The following PMFBP1 variants were observed in gnomAD, a reference collection of about 807,000 sequenced individuals.
PMFBP1 encodes the protein polyamine modulated factor 1 binding protein 1.
Under a neutral mutation model 137.8 loss-of-function variants are expected in PMFBP1, and 131 were observed. That is an observed-to-expected ratio of 0.95 (90% confidence interval 0.82 to 1.10). The LOEUF is 1.10. PMFBP1 is among the 50% of genes least tolerant of loss of function. The pLI is 0.00. For missense variants in PMFBP1, 1,199 were observed against 1,175.4 expected, an observed-to-expected ratio of 1.02 and a Z score of -0.29; for synonymous variants, 490 against 450.4, an observed-to-expected ratio of 1.09 and a Z score of -1.11.
At chr16:72,225,714 TAATAATAATA>T in the PMFBP1 span, among the ~76,000 whole-genome samples, 27 of 143,290 alleles carry the variant, frequency 1.9e-4, no homozygotes, top group East Asian at 8.0e-4. Context: ...CTGTTTATAA[TAATAATAATA>T]ATAATAATAA....
the PMFBP1 span, among the ~76,000 whole-genome samples, chr16:72,247,832 G>C: frequency 6.6e-6 from 1 of 151,996 alleles, no homozygotes; most frequent in African/African-American, 2.4e-5. Context: ...TTTAATTTTA[G>C]AATTTAAAGG....
rs114758774 is a variant in PMFBP1 at position 72,124,314 on chromosome 16, G to T, written c.2589+453C>A. On this transcript the variant is annotated intron_variant, in intron 17 of 20. Coordinates refer to ENST00000237353, the MANE Select transcript of PMFBP1 (RefSeq NM_031293.3). ...GCATGAGCCACTGTGCCCGGCCTAA[G>T]ATGCCTTCTTTGTAATTCGAGCAAA... 6.2e-3 allele frequency among the ~76,000 whole-genome samples: 943 copies of T among 152,352 alleles called. 10 individuals are homozygous for T. Among genetic ancestry groups the T allele is most frequent in the African/African-American group, 0.021 (874 of 41,580 alleles).
In PMFBP1 at chr16:72,136,499, C is replaced by T. The variant is rs1272628196; in HGVS notation, c.1152G>A (p.Glu384=). The change falls in exon 9 of 21, where the codon GAG becomes GAA. Residue 384 remains glutamate, a synonymous_variant. Coordinates refer to ENST00000237353, the MANE Select transcript of PMFBP1 (RefSeq NM_031293.3). The stretch of plus-strand genomic sequence containing the variant: ...GGGTCTCGGTGAACTCCAGCTGCAG[C>T]TCCTGCAGCCGGCACTGCAGGATGG... ...DITILQCRLQ[E]LQLEFTETQK... is the part of the protein sequence containing the mutation. 3.1e-6 allele frequency: 5 copies of T among 1,613,938 alleles called. No homozygotes were observed. Among genetic ancestry groups the T allele is most frequent in the Non-Finnish European group, 4.2e-6 (5 of 1,179,932 alleles).
the PMFBP1 span, among the ~76,000 whole-genome samples, chr16:72,201,119 G>A: frequency 6.6e-6 from 1 of 152,152 alleles, no homozygotes; most frequent in African/African-American, 2.4e-5. Context: ...GATGCATAAT[G>A]TGTGACCACA....
At chr16:72,192,701 A>C in the PMFBP1 span, among the ~76,000 whole-genome samples, 1 of 152,130 alleles carries the variant, frequency 6.6e-6, no homozygotes, top group Admixed American at 6.5e-5. Flanking sequence ...CAGGAGATCA[A>C]GACCATCCTG....
At chr16:72,148,499 C>A (rs2042849837) in intron 5 of PMFBP1, among the ~76,000 whole-genome samples, 1 of 151,906 alleles carries the variant, frequency 6.6e-6, no homozygotes, top group African/African-American at 2.4e-5. Context: ...TGCACATGTA[C>A]CCCAGAACTT....
chr16:72,244,597 G>A, the PMFBP1 span, among the ~76,000 whole-genome samples: 1 of 152,164 alleles, frequency 6.6e-6, no homozygotes, highest in Non-Finnish European at 1.5e-5. Context: ...GCAATGGGTG[G>A]TTAAGACAAA....
chr16:72,124,958 A>G (rs759438443), intron 16 of PMFBP1, 24 bp from the exon 17 acceptor site: 2 of 1,608,492 alleles, frequency 1.2e-6, no homozygotes, highest in African/African-American at 2.7e-5. Flanking sequence ...CAAAGTGAGG[A>G]GGGGGACTCC....
At chr16:72,218,459 C>G in the PMFBP1 span, among the ~76,000 whole-genome samples, 1 of 152,090 alleles carries the variant, frequency 6.6e-6, no homozygotes. Context: ...TCCTGAGTAG[C>G]TGGGCTTACA....
At position 72,140,083 on chromosome 16, in the gene PMFBP1, T is replaced by A. The variant is rs554641002; in HGVS notation, c.807+329A>T. Among the ~76,000 whole-genome samples, 137 of 152,348 alleles carry A rather than the reference T, an allele frequency of 9.0e-4. 1 individual carries two copies. Among genetic ancestry groups the A allele is most frequent in the Middle Eastern group, 6.8e-3 (2 of 294 alleles). ...GCGCCTTCCATGCAGCTCTTACAGA[T>A]GTGCTTAGTCCTTTTTACTGGCTGC... On this transcript the variant is annotated intron_variant, in intron 6 of 20. Coordinates refer to ENST00000237353, the MANE Select transcript of PMFBP1 (RefSeq NM_031293.3).
chr16:72,164,543 TG>T (rs2043114952), intron 3 of PMFBP1: 2 of 1,338,938 alleles, frequency 1.5e-6, no homozygotes, highest in Admixed American at 2.0e-5. Flanking sequence ...AGGATGTACA[TG>T]ACCTTGGAGA....
At chr16:72,249,671 C>T in the PMFBP1 span, among the ~76,000 whole-genome samples, 2 of 151,194 alleles carry the variant, frequency 1.3e-5, no homozygotes, top group African/African-American at 4.9e-5. Context: ...AATCCCAACA[C>T]GTTGAGAGGC....
chr16:72,203,440 G>A, the PMFBP1 span, among the ~76,000 whole-genome samples: 2 of 152,270 alleles, frequency 1.3e-5, 1 homozygote, highest in East Asian at 3.9e-4. Context: ...TGTTTTCCAC[G>A]TTCTTTTCTA....
At chr16:72,178,066 A>G (rs1469848274), upstream of PMFBP1, among the ~76,000 whole-genome samples, 1 of 151,806 alleles carries the variant, frequency 6.6e-6, no homozygotes, top group East Asian at 1.9e-4. Flanking sequence ...TAATTTTTGT[A>G]TTTTTTTGTA....
At position 72,164,555 on chromosome 16, in the gene PMFBP1, T is replaced by C. The variant is rs2043115089; in HGVS notation, c.165+209A>G. On this transcript the variant is annotated intron_variant, in intron 3 of 20. Coordinates refer to ENST00000237353, the MANE Select transcript of PMFBP1 (RefSeq NM_031293.3). ...CCTAGGATGTACATGACCTTGGAGA[T>C]AGATGGAAAAGTCCTGAAGGCAGGA... 5 of 1,316,480 alleles carry C rather than the reference T, an allele frequency of 3.8e-6. No individual in the cohort carries two copies. In the African/African-American group the frequency reaches 4.4e-5, roughly 12 times the overall value. The allele number at this position is 1,316,480 out of a possible 1,614,324, so 81.5% of individuals were successfully genotyped here.
At chr16:72,131,915 AG>A (rs1476455879) in intron 10 of PMFBP1, among the ~76,000 whole-genome samples, 2 of 152,180 alleles carry the variant, frequency 1.3e-5, no homozygotes, top group Non-Finnish European at 2.9e-5. Context: ...GCGTAATCTC[AG>A]CTCACTGCAA....
intron 2 of PMFBP1, among the ~76,000 whole-genome samples, chr16:72,168,985 TGGG>T (rs938194763): frequency 6.6e-6 from 1 of 152,182 alleles, no homozygotes; most frequent in Admixed American, 6.5e-5. Context: ...AGCTTCTTCT[TGGG>T]GGAAGCTAAT....
intron 2 of PMFBP1, among the ~76,000 whole-genome samples, chr16:72,170,746 T>C (rs1417383675): frequency 1.3e-5 from 2 of 152,174 alleles, no homozygotes; most frequent in East Asian, 3.8e-4. Context: ...AAACACAGTT[T>C]GACCAAAATA....
At chr16:72,205,830 T>G in the PMFBP1 span, among the ~76,000 whole-genome samples, 1 of 152,214 alleles carries the variant, frequency 6.6e-6, no homozygotes, top group Non-Finnish European at 1.5e-5. Context: ...TCACCCTTGA[T>G]GCCCTTGGCA....
Sources: gnomAD v4.1 joint callset for allele counts (sites outside exome capture counted in the v4.1 genomes callset) on GRCh38, gnomAD v4.1.1 for gene constraint, MANE v1.5 for transcripts, NCBI Gene and HGNC (gene_info 2026-07-23, HGNC 2026-07-21) for gene names.